NR2C2: variants seen among roughly 807,000 people sequenced by gnomAD.
NR2C2 encodes nuclear receptor subfamily 2 group C member 2.
In NR2C2, 6 loss-of-function variants were observed where a neutral mutation model predicts 62.9. That is an observed-to-expected ratio of 0.10 (90% CI 0.05 to 0.19). NR2C2 has a LOEUF of 0.19. NR2C2 is among the 10% of genes least tolerant of loss of function. NR2C2 has a pLI of 1.00. For missense variants in NR2C2, 479 were observed against 762.7 expected (o/e 0.63, Z 4.38); for synonymous variants, 272 against 273.8 (o/e 0.99, Z 0.07).
chr3:15,045,850 C>G lies in NR2C2; in HGVS notation c.*2842C>G, dbSNP rs1379601126. On this transcript the variant is annotated 3_prime_UTR_variant, in exon 14 of 14. Coordinates refer to ENST00000425241, the MANE Select transcript of NR2C2 (RefSeq NM_001291694.2). ...CATGCTCCCTCTTCTACTGGCCTGG[C>G]TGCTCCTCCCTCAATGAGGAGAGGC... is the stretch of plus-strand genomic sequence containing the variant. 6.6e-6 allele frequency: 1 copy of G among 152,326 alleles called. No individual in the cohort carries two copies. Among genetic ancestry groups the G allele is most frequent in the Non-Finnish European group, 1.5e-5 (1 of 68,048 alleles). The allele number at this position is 152,326 out of a possible 1,614,324, so 9.4% of individuals were successfully genotyped here. A position where few individuals can be genotyped will look rare whatever the true frequency, so the allele number is the denominator to read the frequency against.
chr3:14,962,049 C>T (rs2125249627), intron 1 of NR2C2, among the ~76,000 whole-genome samples: 1 of 152,296 alleles, frequency 6.6e-6, no homozygotes, highest in South Asian at 2.1e-4. Flanking sequence ...CAGATACCCA[C>T]CTTCTTATTC....
chr3:15,032,550 C>G (rs556489290), intron 10 of NR2C2, 50 bp downstream of exon 10: 11 of 1,611,800 alleles, frequency 6.8e-6, no homozygotes, highest in African/African-American at 4.0e-5. Flanking sequence ...GCCTTCCTCT[C>G]CCTAGGAATG....
chr3:14,996,797 C>T (rs367649940), intron 1 of NR2C2, among the ~76,000 whole-genome samples: 34 of 152,268 alleles, frequency 2.2e-4, no homozygotes, highest in African/African-American at 7.0e-4. Context: ...CTCCTGACCT[C>T]GTGATCCGCC....
chr3:14,979,028 C>G (rs901125637), intron 1 of NR2C2, among the ~76,000 whole-genome samples: 1 of 152,134 alleles, frequency 6.6e-6, no homozygotes. Flanking sequence ...ATTAATATCC[C>G]CCCATAGTCA....
chr3:14,993,541 C>T (rs745446468), intron 1 of NR2C2, among the ~76,000 whole-genome samples: 20 of 151,934 alleles, frequency 1.3e-4, no homozygotes, highest in Admixed American at 7.2e-4. Flanking sequence ...TAAATTCATA[C>T]AACTGCAAGA....
At chr3:14,981,413 C>G (rs963198818) in intron 1 of NR2C2, among the ~76,000 whole-genome samples, 1 of 151,998 alleles carries the variant, frequency 6.6e-6, no homozygotes, top group Non-Finnish European at 1.5e-5. Flanking sequence ...ACCACCCTGG[C>G]TAACACGGTG....
intron 2 of NR2C2, chr3:15,004,557 G>A (rs2041113339): frequency 1.2e-6 from 2 of 1,610,658 alleles, no homozygotes; most frequent in African/African-American, 2.7e-5. Flanking sequence ...TCTTCCCTAG[G>A]GCTCTGAACC....
intron 9 of NR2C2, among the ~76,000 whole-genome samples, chr3:15,031,890 G>C (rs1005109698): frequency 2.6e-5 from 4 of 151,828 alleles, no homozygotes; most frequent in Non-Finnish European, 4.4e-5. Context: ...CACCACACCT[G>C]GCTAATTTTT....
chr3:14,965,061 C>T (rs570273315), intron 1 of NR2C2, among the ~76,000 whole-genome samples: 1 of 152,234 alleles, frequency 6.6e-6, no homozygotes, highest in East Asian at 1.9e-4. Flanking sequence ...TGGGGGAAGC[C>T]GGAATACCTG....
At chr3:14,948,716 A>G (rs547380257) in intron 1 of NR2C2, 1 of 152,458 alleles carries the variant, frequency 6.6e-6, no homozygotes, top group Admixed American at 6.5e-5. Flanking sequence ...CTGAGGAACA[A>G]TAGTAATAAA....
In NR2C2 at chr3:14,947,691, G is replaced by GCGACCCCGGCGGCGCCCCCGGGCC. The variant is rs2039159315; in HGVS notation, c.-252_-229dup. 1 of 149,164 alleles carries GCGACCCCGGCGGCGCCCCCGGGCC rather than the reference G, an allele frequency of 6.7e-6. No individual in the cohort carries two copies. The highest frequency in any genetic ancestry group is 2.5e-5 in the African/African-American group (1 of 40,538). The allele number at this position is 149,164 out of a possible 1,614,324, so 9.2% of individuals were successfully genotyped here. A position where few individuals can be genotyped will look rare whatever the true frequency, so the allele number is the denominator to read the frequency against. On this transcript the variant is annotated 5_prime_UTR_variant, in exon 1 of 14. Coordinates refer to ENST00000425241, the MANE Select transcript of NR2C2 (RefSeq NM_001291694.2). ...AACAATAACAAACCCCCCCTTCTCCGCGACCCCGGCGGCGCCCCCGGGCCC... is the reference window on the plus strand; with the variant it reads ...AACAATAACAAACCCCCCCTTCTCCGCGACCCCGGCGGCGCCCCCGGGCCCGACCCCGGCGGCGCCCCCGGGCCC...
At chr3:15,012,842 C>T (rs939802915) in intron 2 of NR2C2, among the ~76,000 whole-genome samples, 1 of 152,198 alleles carries the variant, frequency 6.6e-6, no homozygotes, top group African/African-American at 2.4e-5. Context: ...TGCAATTAGA[C>T]AAGGACTGTG....
intron 3 of NR2C2, 107 bp downstream of exon 3, chr3:15,013,896 T>C (rs2041426980): frequency 5.9e-6 from 7 of 1,181,158 alleles, no homozygotes; most frequent in Admixed American, 2.0e-5. Context: ...GGAAGGTTCC[T>C]TGGGGACCTG....
intron 8 of NR2C2, 89 bp from the exon 9 acceptor site, chr3:15,030,186 A>T: frequency 9.2e-7 from 1 of 1,082,290 alleles, no homozygotes; most frequent in Non-Finnish European, 1.3e-6. Flanking sequence ...ATCTTTTCCC[A>T]CTGTAGTTTT....
At chr3:14,998,344 A>C (rs2040891336) in intron 1 of NR2C2, among the ~76,000 whole-genome samples, 1 of 152,176 alleles carries the variant, frequency 6.6e-6, no homozygotes, top group South Asian at 2.1e-4. Context: ...GAACAACCAG[A>C]CTGTTTTCCA....
At chr3:14,986,722 G>A (rs894439466) in intron 1 of NR2C2, among the ~76,000 whole-genome samples, 2 of 152,164 alleles carry the variant, frequency 1.3e-5, no homozygotes, top group African/African-American at 2.4e-5. Flanking sequence ...GAAAATGAAA[G>A]CATTTTGTCT....
intron 1 of NR2C2, among the ~76,000 whole-genome samples, chr3:14,967,549 AT>A (rs202243639): frequency 2.0e-5 from 3 of 151,360 alleles, no homozygotes; most frequent in Admixed American, 6.6e-5. Flanking sequence ...AATGTGGTTC[AT>A]TTTTTTTTAA....
chr3:14,948,697 G>T (rs1261103316), intron 1 of NR2C2: 1 of 152,586 alleles, frequency 6.6e-6, no homozygotes, highest in Admixed American at 6.5e-5. Flanking sequence ...AACGCGTCTC[G>T]AATGAGTACT....
chr3:15,019,917 A>G (rs1043286818), intron 4 of NR2C2, among the ~76,000 whole-genome samples: 12 of 152,220 alleles, frequency 7.9e-5, no homozygotes, highest in Admixed American at 7.9e-4. Flanking sequence ...GAATGTCCTT[A>G]TTAACAAAGA....
Sources: gnomAD v4.1 joint callset for allele counts (sites outside exome capture counted in the v4.1 genomes callset) on GRCh38, gnomAD v4.1.1 for gene constraint, MANE v1.5 for transcripts, NCBI Gene and HGNC (gene_info 2026-07-23, HGNC 2026-07-21) for gene names.